The following CTC1 variants were observed in gnomAD, a reference collection of about 807,000 sequenced individuals.
CTC1 encodes CST complex subunit CTC1.
Under a neutral mutation model 136.3 loss-of-function variants are expected in CTC1, and 91 were observed. The observed-to-expected ratio is 0.67, with a 90% CI of 0.56 to 0.79. The LOEUF (loss-of-function observed/expected upper bound fraction) is 0.79, where lower values mean the gene tolerates loss of function less well. CTC1 is among the 30% of genes least tolerant of loss of function. The pLI, the probability that CTC1 is intolerant of heterozygous loss-of-function variation, is 0.00. For missense variants in CTC1, 1,432 were observed against 1,498.1 expected (o/e 0.96, Z 0.73); for synonymous variants, 606 against 613.8 (o/e 0.99, Z 0.19).
chr17:8,236,269 G>T lies in CTC1; in HGVS notation c.866C>A (p.Ser289Tyr). ...TAYVLTELRV[S>Y]KIRGQRQHVW... ...ATGCTGGCGCTGACCACGGATCTTG[G>T]ACACTCGCAGTTCTGTCAGCACATA... Residue 289 changes from serine to tyrosine, a missense_variant, in exon 6 of 23, where the codon TCC becomes TAC. Physicochemically the swap from Ser to Tyr is moderately radical, Grantham distance 144. Coordinates refer to ENST00000651323, the MANE Select transcript of CTC1 (RefSeq NM_025099.6). 1 of 1,613,874 alleles carries T rather than the reference G, an allele frequency of 6.2e-7. No individual in the cohort carries two copies. Among genetic ancestry groups the T allele is most frequent in the South Asian group, 1.1e-5 (1 of 91,086 alleles).
In CTC1 at chr17:8,232,932, TGA is replaced by T; in HGVS notation, c.1917_1918del (p.Gln640ThrfsTer4). On this transcript the variant is annotated frameshift_variant, in exon 11 of 23. Coordinates refer to ENST00000651323, the MANE Select transcript of CTC1 (RefSeq NM_025099.6). LOFTEE classifies it high-confidence loss of function. ...TATCAGCCGTGGGTCACTGAGGGGT[TGA>T]GAGTGCTTGGCCAGGAGCAGGCAGG... 6.2e-7 allele frequency: 1 copy of T among 1,614,044 alleles called. No homozygotes were observed. The highest frequency in any genetic ancestry group is 8.5e-7 in the Non-Finnish European group (1 of 1,179,980).
chr17:8,239,523 A>ATT (rs74266356), intron 2 of CTC1, among the ~76,000 whole-genome samples: 4 of 140,766 alleles, frequency 2.8e-5, no homozygotes, highest in Admixed American at 7.1e-5. Flanking sequence ...ATTCCCCTGA[A>ATT]TTTTTTTTTT....
intron 18 of CTC1, 121 bp from the exon 19 acceptor site, chr17:8,229,567 C>T (rs1987037309): frequency 1.3e-6 from 1 of 796,980 alleles, no homozygotes; most frequent in East Asian, 2.5e-5. Context: ...GCAGTGGGTT[C>T]CATGCGCTCC....
chr17:8,246,206 CAAAAAAAAAA>C (rs57484918), intron 1 of CTC1, among the ~76,000 whole-genome samples: 4 of 87,326 alleles, frequency 4.6e-5, no homozygotes, highest in African/African-American at 1.9e-4. Context: ...GACCTTGTTT[CAAAAAAAAAA>C]AAAAAAAAAA....
At chr17:8,243,820 C>T (rs565301750) in intron 1 of CTC1, among the ~76,000 whole-genome samples, 1 of 152,312 alleles carries the variant, frequency 6.6e-6, no homozygotes, top group Admixed American at 6.5e-5. Context: ...GCTTGTAATC[C>T]CAGCACTTTG....
chr17:8,236,392 C>A, intron 5 of CTC1, 50 bp from the exon 6 acceptor site: 1 of 1,561,308 alleles, frequency 6.4e-7, no homozygotes, highest in South Asian at 1.2e-5. Flanking sequence ...CCAACACTGC[C>A]ACTCTGCCAG....
rs771253891 is a variant in CTC1, at chr17:8,228,222, T to A, written c.3612A>T (p.Ser1204=). ...GGATCCCCAGAGAGCTGGAGTACTCTGACTCTCGGATAGAAAGGCAGGACA... is the reference window on the plus strand; with the variant it reads ...GGATCCCCAGAGAGCTGGAGTACTCAGACTCTCGGATAGAAAGGCAGGACA... ...LRLSCLSIRE[S]EYSSSLGILA... Residue 1204 remains serine (S), a synonymous_variant, in exon 23 of 23, where the codon TCA becomes TCT. Transcript: ENST00000651323. 5 of 1,614,112 alleles carry A rather than the reference T, an allele frequency of 3.1e-6. No individual in the cohort carries two copies. Among genetic ancestry groups the A allele is most frequent in the Non-Finnish European group, 4.2e-6 (5 of 1,179,998 alleles).
chr17:8,228,933 C>G (rs1490034490), intron 20 of CTC1, 41 bp from the exon 21 acceptor site: 2 of 1,577,526 alleles, frequency 1.3e-6, no homozygotes, highest in East Asian at 4.5e-5. Context: ...TATAGCAACC[C>G]AGGTTGCCAA....
At position 8,245,336 on chromosome 17, in the gene CTC1, C is replaced by T. The variant is rs376950220; in HGVS notation, c.34-2188G>A. Among the ~76,000 whole-genome samples the T allele has an allele frequency of 2.6e-4, 40 of 152,298 alleles. 1 individual carries two copies. In the South Asian group the frequency reaches 7.1e-3, roughly 27 times the overall value. Reference sequence around the variant, plus strand: ...AAAGTCTTCAAGTTCTAGATGTCTTCAGCATCCTTGTGGACAGCCCTACCA... The same window carrying T: ...AAAGTCTTCAAGTTCTAGATGTCTTTAGCATCCTTGTGGACAGCCCTACCA... On this transcript the variant is annotated intron_variant, in intron 1 of 22. Coordinates refer to ENST00000651323, the MANE Select transcript of CTC1 (RefSeq NM_025099.6).
In CTC1 at chr17:8,247,995, A is replaced by C. The variant is rs373483074; in HGVS notation, c.33+9T>G. 1.9e-6 allele frequency: 3 copies of C among 1,563,522 alleles called. 1 individual carries two copies. The highest frequency in any genetic ancestry group is 5.0e-5 in the East Asian group (2 of 40,074). On this transcript the variant is annotated intron_variant, in intron 1 of 22. Transcript: ENST00000651323. ...AAAAAGGAACAAGAGACGTAATAGC[A>C]GCACTCACGGAGGAAGGGACCTGGG...
At chr17:8,232,326 C>G (rs372221537) in intron 12 of CTC1, 35 bp downstream of exon 12, 1 of 1,600,314 alleles carries the variant, frequency 6.2e-7, no homozygotes, top group East Asian at 2.2e-5. Context: ...TCCTTCCCCC[C>G]AGACTCAAGA....
At chr17:8,237,981 T>A (rs1246288280) in intron 4 of CTC1, 50 bp downstream of exon 4, 1 of 1,462,212 alleles carries the variant, frequency 6.8e-7, no homozygotes, top group East Asian at 2.3e-5. Flanking sequence ...TGACCCAGCA[T>A]CATCCTTCAG....
At chr17:8,240,705 C>A (rs993458356) in intron 2 of CTC1, among the ~76,000 whole-genome samples, 1 of 149,794 alleles carries the variant, frequency 6.7e-6, no homozygotes, top group Non-Finnish European at 1.5e-5. Flanking sequence ...CATGGTGAAA[C>A]CCCGTCTCTA....
intron 8 of CTC1, 52 bp downstream of exon 8, chr17:8,235,001 G>A (rs1272156214): frequency 2.5e-6 from 4 of 1,605,146 alleles, no homozygotes; most frequent in Non-Finnish European, 3.4e-6. Flanking sequence ...TCCTTGCCAA[G>A]GAAGTGTGCT....
At position 8,243,073 on chromosome 17, in the gene CTC1, G is replaced by T. The variant is rs375802623; in HGVS notation, c.109C>A (p.Gln37Lys). ...LCPAVKEPNV[Q>K]LTPLVIDCVK... ...CAATCAATTACCAATGGAGTCAACT[G>T]GACATTAGGCTCCTTGACAGCTGGA... The change falls in exon 2 of 23, where the codon CAG becomes AAG. Residue 37 changes from glutamine (Q) to lysine (K), a missense_variant. By Grantham distance (53) the Gln-to-Lys change is moderately conservative. Coordinates refer to ENST00000651323, the MANE Select transcript of CTC1 (RefSeq NM_025099.6). 4 of 1,613,920 alleles carry T rather than the reference G, an allele frequency of 2.5e-6. No homozygotes were observed. Among genetic ancestry groups the T allele is most frequent in the East Asian group, 2.2e-5 (1 of 44,884 alleles).
At chr17:8,235,449 C>A in intron 7 of CTC1, 164 bp from the exon 8 acceptor site, 1 of 619,438 alleles carries the variant, frequency 1.6e-6, no homozygotes, top group Non-Finnish European at 2.8e-6. Flanking sequence ...ACTCCCGCTG[C>A]GGTCAGCCTT....
chr17:8,234,930 G>T lies in CTC1; in HGVS notation c.1440-4C>A. On this transcript the variant is annotated splice_region_variant and splice_polypyrimidine_tract_variant and intron_variant, in intron 8 of 22. Coordinates refer to ENST00000651323, the MANE Select transcript of CTC1 (RefSeq NM_025099.6). ...TCTCAGCACATGGGGACACAGCCTTGGCCAGGAAAAGCAGCACAGTCACTT... is the reference window on the plus strand; with the variant it reads ...TCTCAGCACATGGGGACACAGCCTTTGCCAGGAAAAGCAGCACAGTCACTT... 1 of 1,595,518 alleles carries T rather than the reference G, an allele frequency of 6.3e-7. No homozygotes were observed. Among genetic ancestry groups the T allele is most frequent in the Non-Finnish European group, 8.6e-7 (1 of 1,169,520 alleles).
chr17:8,238,321 C>T, intron 3 of CTC1, 71 bp downstream of exon 3: 1 of 1,563,934 alleles, frequency 6.4e-7, no homozygotes, highest in South Asian at 1.2e-5. Context: ...TCCTCAGAGA[C>T]TTAATTGCCT....
In CTC1 at chr17:8,226,963, A is replaced by C. The variant is rs977858891; in HGVS notation, c.*1217T>G. On this transcript the variant is annotated 3_prime_UTR_variant, in exon 23 of 23. Coordinates refer to ENST00000651323, the MANE Select transcript of CTC1 (RefSeq NM_025099.6). ...GGATAACAGCAGAGGGTCAGAAAACAAAACACACACAAAAAAAAGCCACCC... is the reference window on the plus strand; with the variant it reads ...GGATAACAGCAGAGGGTCAGAAAACCAAACACACACAAAAAAAAGCCACCC... The C allele has an allele frequency of 6.6e-6, 1 of 152,420 alleles. No homozygotes were observed. Among genetic ancestry groups the C allele is most frequent in the African/African-American group, 2.4e-5 (1 of 41,422 alleles). 9.4% of individuals were successfully genotyped at this position (152,420 alleles called of 1,614,324 possible).
Sources: allele counts gnomAD v4.1 joint callset (sites outside exome capture counted in the v4.1 genomes callset), GRCh38; gene constraint gnomAD v4.1.1; transcripts MANE v1.5; gene names NCBI Gene and HGNC (gene_info 2026-07-23, HGNC 2026-07-21).